PNPLA7: variants seen among roughly 807,000 people sequenced by gnomAD.
PNPLA7 encodes patatin like domain 7, lysophospholipase.
In PNPLA7, 153 loss-of-function variants were observed where a neutral mutation model predicts 161.7. The ratio of observed to expected loss-of-function variants is 0.95; its 90% CI spans 0.83 to 1.08. The LOEUF is 1.08. Ranked by LOEUF, PNPLA7 falls within the 50% of genes least tolerant of loss-of-function variation. PNPLA7 has a pLI of 0.00. For missense variants in PNPLA7, 1,739 were observed against 1,856.6 expected, an observed-to-expected ratio of 0.94 and a Z score of 1.16; for synonymous variants, 809 against 782.1, an observed-to-expected ratio of 1.03 and a Z score of -0.57.
intron 31 of PNPLA7, 26 bp from the exon 32 acceptor site, chr9:137,462,067 AGGAGGTGTGGGGAGCC>A: frequency 6.4e-7 from 1 of 1,551,228 alleles, no homozygotes; most frequent in African/African-American, 1.4e-5. Context: ...GGGCCCCGTC[AGGAGGTGTGGGGAGCC>A]CCCCACTTCC....
At chr9:137,519,357 C>A (rs1167270159) in intron 11 of PNPLA7, among the ~76,000 whole-genome samples, 1 of 152,250 alleles carries the variant, frequency 6.6e-6, no homozygotes, top group East Asian at 1.9e-4. Context: ...CGGGTGAGAG[C>A]CCATCGCGGG....
intron 21 of PNPLA7, among the ~76,000 whole-genome samples, chr9:137,482,497 G>A (rs1832268948): frequency 6.6e-6 from 1 of 152,262 alleles, no homozygotes; most frequent in Non-Finnish European, 1.5e-5. Flanking sequence ...ACACCGTGTG[G>A]TTCCATTTCC....
At chr9:137,501,187 C>T (rs766422981) in intron 15 of PNPLA7, among the ~76,000 whole-genome samples, 16 of 152,338 alleles carry the variant, frequency 1.1e-4, no homozygotes, top group South Asian at 2.1e-4. Context: ...CTGGCAAATG[C>T]GCGTCAGCCC....
chr9:137,511,259 G>C (rs1357664841), intron 12 of PNPLA7, among the ~76,000 whole-genome samples: 1 of 148,636 alleles, frequency 6.7e-6, no homozygotes, highest in Non-Finnish European at 1.5e-5. Flanking sequence ...GTTACTTAGT[G>C]GACCTTGGCC....
chr9:137,460,835 C>T, intron 33 of PNPLA7, 98 bp from the exon 34 acceptor site: 3 of 1,162,462 alleles, frequency 2.6e-6, no homozygotes, highest in Non-Finnish European at 3.7e-6. Context: ...AGATGCCCAC[C>T]CCCGCCTCCA....
At chr9:137,480,537 C>T (rs546222092) in intron 22 of PNPLA7, 57 bp from the exon 23 acceptor site, 85 of 1,541,944 alleles carry the variant, frequency 5.5e-5, no homozygotes, top group South Asian at 1.6e-4. Flanking sequence ...ACTCTTAGCA[C>T]ATGTCCCCGG....
intron 25 of PNPLA7, among the ~76,000 whole-genome samples, chr9:137,474,716 C>T (rs1263674051): frequency 6.6e-6 from 1 of 152,036 alleles, no homozygotes; most frequent in African/African-American, 2.4e-5. Context: ...ATCTGACCAT[C>T]AGAAGCTCCA....
chr9:137,509,816 T>C (rs1834122932), intron 12 of PNPLA7: 1 of 430,218 alleles, frequency 2.3e-6, no homozygotes, highest in African/African-American at 2.0e-5. Flanking sequence ...GGACACGAGC[T>C]GTTCCAGTAT....
chr9:137,545,646 T>C (rs1313186925), intron 4 of PNPLA7, among the ~76,000 whole-genome samples: 1 of 152,252 alleles, frequency 6.6e-6, no homozygotes, highest in African/African-American at 2.4e-5. Context: ...CATTAGCTTG[T>C]AGCAATTACT....
chr9:137,536,721 G>A (rs1392072213), intron 8 of PNPLA7, among the ~76,000 whole-genome samples: 2 of 152,212 alleles, frequency 1.3e-5, no homozygotes, highest in African/African-American at 2.4e-5. Context: ...AGATGGGAAC[G>A]TAGCATGAGG....
At position 137,515,310 on chromosome 9, in the gene PNPLA7, C is replaced by T. The variant is rs922594831; in HGVS notation, c.1225+69G>A. ...GCGGCGATGCTGGGCATCAGTGCAG[C>T]TCAGCCTGGGTCTCAGATGCCGAGG... On this transcript the variant is annotated intron_variant, in intron 12 of 34. Transcript: ENST00000406427. 1.5e-5 allele frequency: 23 copies of T among 1,553,598 alleles called. No individual in the cohort carries two copies. The South Asian group carries it at 2.5e-4, about 17-fold the overall frequency.
chr9:137,501,389 C>T (rs1833406120), intron 15 of PNPLA7, among the ~76,000 whole-genome samples: 1 of 152,358 alleles, frequency 6.6e-6, no homozygotes, highest in Non-Finnish European at 1.5e-5. Context: ...CTCTTATGAC[C>T]TCTTCCCAAT....
intron 17 of PNPLA7, among the ~76,000 whole-genome samples, chr9:137,497,874 G>A (rs533840751): frequency 1.3e-5 from 2 of 152,346 alleles, no homozygotes; most frequent in East Asian, 1.9e-4. Context: ...ATAATGACAC[G>A]GAGAGATGCT....
intron 26 of PNPLA7, among the ~76,000 whole-genome samples, chr9:137,465,508 G>A (rs528536576): frequency 3.0e-4 from 46 of 152,328 alleles, no homozygotes; most frequent in African/African-American, 1.1e-3. Flanking sequence ...TGCCCATGGC[G>A]GGTTCTGTCC....
At chr9:137,521,877 A>T (rs1311909028) in intron 9 of PNPLA7, among the ~76,000 whole-genome samples, 161 bp from the exon 10 acceptor site, 4 of 152,174 alleles carry the variant, frequency 2.6e-5, no homozygotes, top group Admixed American at 2.6e-4. Flanking sequence ...ACACCTCACC[A>T]CGGTCAAGTA....
In PNPLA7 at chr9:137,522,220, GC is replaced by G. The variant is rs879917485; in HGVS notation, c.877-505del. Among the ~76,000 whole-genome samples, 173 of 152,310 alleles carry G rather than the reference GC, an allele frequency of 1.1e-3. 1 individual carries two copies. The highest frequency in any genetic ancestry group is 3.8e-3 in the African/African-American group (157 of 41,562). On this transcript the variant is annotated intron_variant, in intron 9 of 34. Coordinates refer to ENST00000406427, the MANE Select transcript of PNPLA7 (RefSeq NM_001098537.3). The stretch of plus-strand genomic sequence containing the variant: ...CTCCCGAGTAGCTGGGACTACAGGC[GC>G]CCGCCACCACGCCTGGCTAATTTTT...
intron 12 of PNPLA7, chr9:137,509,899 C>A: frequency 3.0e-6 from 1 of 332,530 alleles, no homozygotes; most frequent in Non-Finnish European, 6.1e-6. Flanking sequence ...TATCATTAAT[C>A]ATTAGTTGGT....
intron 28 of PNPLA7, 136 bp downstream of exon 28, chr9:137,463,990 C>T (rs1206546015): frequency 3.0e-6 from 3 of 995,304 alleles, no homozygotes; most frequent in Non-Finnish European, 4.3e-6. Context: ...ATCCTGTGTC[C>T]TCCATGGACA....
At chr9:137,538,444 G>A (rs1372021138) in intron 8 of PNPLA7, among the ~76,000 whole-genome samples, 1 of 152,202 alleles carries the variant, frequency 6.6e-6, no homozygotes, top group African/African-American at 2.4e-5. Context: ...TGGGATCAGA[G>A]GACACCACCC....
Sources: allele counts gnomAD v4.1 joint callset (sites outside exome capture counted in the v4.1 genomes callset), GRCh38; gene constraint gnomAD v4.1.1; transcripts MANE v1.5; gene names NCBI Gene and HGNC (gene_info 2026-07-23, HGNC 2026-07-21).